The following RECK variants were observed in gnomAD, a reference collection of about 807,000 sequenced individuals.
RECK encodes the protein reversion inducing cysteine rich protein with kazal motifs, also known as reversion-inducing cysteine-rich protein with Kazal motifs.
Under a neutral mutation model 115.1 loss-of-function variants are expected in RECK, and 69 were observed. The ratio of observed to expected loss-of-function variants is 0.60; its 90% CI spans 0.49 to 0.73. RECK has a LOEUF of 0.73. Among genes scored for constraint, RECK ranks in the 30% least tolerant of loss-of-function variants. The pLI, the probability that RECK is intolerant of heterozygous loss-of-function variation, is 0.00. For missense variants in RECK, 1,047 were observed against 1,203.7 expected (o/e 0.87, Z 1.93); for synonymous variants, 414 against 419.7 (o/e 0.99, Z 0.17).
At chr9:36,111,553 C>G (rs559206853) in intron 15 of RECK, among the ~76,000 whole-genome samples, 2 of 152,216 alleles carry the variant, frequency 1.3e-5, no homozygotes, top group South Asian at 4.1e-4. Flanking sequence ...CGCCACCATG[C>G]CATTCTAATT....
At chr9:36,102,290 T>G in intron 12 of RECK, 60 bp downstream of exon 12, 2 of 1,420,940 alleles carry the variant, frequency 1.4e-6, no homozygotes, top group South Asian at 1.3e-5. Flanking sequence ...TCCAACTATT[T>G]GTTTTACTAT....
intron 4 of RECK, among the ~76,000 whole-genome samples, chr9:36,062,160 CTTT>C (rs770648750): frequency 1.5e-5 from 2 of 131,952 alleles, no homozygotes. Flanking sequence ...GCATCTCCTA[CTTT>C]TTTTTTTTTT....
intron 1 of RECK, among the ~76,000 whole-genome samples, chr9:36,049,412 A>G (rs534834045): frequency 5.3e-5 from 8 of 152,120 alleles, no homozygotes; most frequent in Non-Finnish European, 8.8e-5. Context: ...GAAACTATCT[A>G]GGTCAGGGGT....
At position 36,091,221 on chromosome 9, in the gene RECK, G is replaced by A; in HGVS notation, c.963G>A (p.Glu321=). The A allele has an allele frequency of 6.2e-7, 1 of 1,614,102 alleles. No homozygotes were observed. The highest frequency in any genetic ancestry group is 8.5e-7 in the Non-Finnish European group (1 of 1,179,974). The change falls in exon 10 of 21, where the codon GAG becomes GAA. Residue 321 remains glutamate (E), a synonymous_variant. Transcript: ENST00000377966. The stretch of plus-strand genomic sequence containing the variant: ...GGGGCAATACACAGAGTTGGCAAGA[G>A]TTTGATCGCTTTTGTGAATATAATC... ...MSWGNTQSWQ[E]FDRFCEYNPV...
chr9:36,112,849 A>G (rs1275368313), intron 16 of RECK, among the ~76,000 whole-genome samples: 1 of 152,220 alleles, frequency 6.6e-6, no homozygotes, highest in African/African-American at 2.4e-5. Flanking sequence ...TAACATTGTT[A>G]TCTCCATAAC....
chr9:36,119,090 T>C (rs1460255451), intron 18 of RECK, 123 bp downstream of exon 18: 2 of 959,844 alleles, frequency 2.1e-6, no homozygotes, highest in Non-Finnish European at 3.1e-6. Flanking sequence ...AAGAGATTCT[T>C]ATGCTGATCA....
chr9:36,053,424 A>G (rs1176138727), intron 2 of RECK, among the ~76,000 whole-genome samples: 2 of 152,354 alleles, frequency 1.3e-5, no homozygotes, highest in Middle Eastern at 3.4e-3. Flanking sequence ...ATAAGCAATA[A>G]TAATGTAGAC....
chr9:36,079,987 C>T (rs1380596975), intron 6 of RECK, among the ~76,000 whole-genome samples: 1 of 152,140 alleles, frequency 6.6e-6, no homozygotes, highest in Non-Finnish European at 1.5e-5. Flanking sequence ...GTCTCTTTTA[C>T]CCTGCTGAGG....
At position 36,083,219 on chromosome 9, in the gene RECK, GAAGTGCCGATTTT is replaced by G. The variant is rs1281192063; in HGVS notation, c.440-140_440-128del. On this transcript the variant is annotated intron_variant, in intron 7 of 20. Transcript: ENST00000377966. ...GAATGTCCCCGTGAGTATACCTACA[GAAGTGCCGATTTT>G]AAGTGTTCATCGTCTGTGGCATGGT... 1.8e-5 allele frequency: 14 copies of G among 762,608 alleles called. No individual in the cohort carries two copies. The African/African-American group carries it at 2.3e-4, about 12-fold the overall frequency. 47.2% of individuals were successfully genotyped at this position (762,608 alleles called of 1,614,324 possible).
chr9:36,116,255 A>G (rs1174681463), intron 16 of RECK, among the ~76,000 whole-genome samples: 1 of 151,144 alleles, frequency 6.6e-6, no homozygotes, highest in Non-Finnish European at 1.5e-5. Context: ...CAGCCTCCTG[A>G]GTAGCTGGGA....
chr9:36,074,443 C>A (rs751531342), intron 6 of RECK, among the ~76,000 whole-genome samples: 22 of 152,054 alleles, frequency 1.4e-4, no homozygotes, highest in Non-Finnish European at 2.4e-4. Context: ...AGAGAGAAAT[C>A]CAAATAGTCC....
chr9:36,060,171 G>C lies in RECK; in HGVS notation c.271+16G>C, dbSNP rs774978901. 3 of 1,611,342 alleles carry C rather than the reference G, an allele frequency of 1.9e-6. No homozygotes were observed. The African/African-American group carries it at 4.0e-5, about 22-fold the overall frequency. Reference sequence around the variant, plus strand: ...TCTTTGCCAGGTAAGCAATAAAAGTGTAACATTTAGCACTTAATTTTAAAA... The same window carrying C: ...TCTTTGCCAGGTAAGCAATAAAAGTCTAACATTTAGCACTTAATTTTAAAA... On this transcript the variant is annotated intron_variant, in intron 4 of 20. Transcript: ENST00000377966.
intron 10 of RECK, among the ~76,000 whole-genome samples, chr9:36,095,744 C>T (rs567253976): frequency 7.9e-5 from 12 of 151,932 alleles, no homozygotes; most frequent in Non-Finnish European, 1.5e-4. Context: ...TGAGACCAGC[C>T]TGGGCAACAT....
Position 36,083,512 on chromosome 9 carries a change from A to G in RECK, c.587A>G (p.His196Arg). ...YCASISPQLI[H>R]CVNNYTQSYP... ...GCCTCTATTAGTCCACAATTAATAC[A>G]TTGTGTGAACAATTATACTCAATCT... The change falls in exon 8 of 21, where the codon CAT (histidine) becomes CGT (arginine). Residue 196 changes from histidine (H) to arginine (R), a missense_variant. Physicochemically the swap from His to Arg is conservative, Grantham distance 29. Transcript: ENST00000377966. 6.2e-7 allele frequency: 1 copy of G among 1,614,006 alleles called. No individual in the cohort carries two copies. The highest frequency in any genetic ancestry group is 8.5e-7 in the Non-Finnish European group (1 of 1,179,934).
At chr9:36,056,069 A>G (rs1244463767) in intron 2 of RECK, among the ~76,000 whole-genome samples, 1 of 152,086 alleles carries the variant, frequency 6.6e-6, no homozygotes, top group Non-Finnish European at 1.5e-5. Context: ...AGAAAAGTGT[A>G]ATAAACCCCC....
At chr9:36,067,462 G>A (rs950917610) in intron 6 of RECK, among the ~76,000 whole-genome samples, 30 of 151,874 alleles carry the variant, frequency 2.0e-4, no homozygotes, top group African/African-American at 6.3e-4. Flanking sequence ...TTTCTTTTTT[G>A]GTAAGCTGTT....
At chr9:36,077,441 A>G (rs907979355) in intron 6 of RECK, among the ~76,000 whole-genome samples, 5 of 152,188 alleles carry the variant, frequency 3.3e-5, no homozygotes, top group African/African-American at 1.2e-4. Flanking sequence ...AGAGTTACAT[A>G]TAGTAAATTT....
At chr9:36,102,045 C>T (rs1823583347) in intron 11 of RECK, 49 bp from the exon 12 acceptor site, 6 of 1,578,856 alleles carry the variant, frequency 3.8e-6, no homozygotes, top group South Asian at 2.3e-5. Flanking sequence ...GACTGGACAA[C>T]ATGAGGAGGT....
intron 6 of RECK, among the ~76,000 whole-genome samples, chr9:36,072,987 A>ATCTCT (rs1222100851): frequency 6.6e-6 from 1 of 151,864 alleles, no homozygotes; most frequent in Non-Finnish European, 1.5e-5. Context: ...AAGCAATCTC[A>ATCTCT]TCTCCCATAG....
Sources: gnomAD v4.1 joint callset for allele counts (sites outside exome capture counted in the v4.1 genomes callset) on GRCh38, gnomAD v4.1.1 for gene constraint, MANE v1.5 for transcripts, NCBI Gene and HGNC (gene_info 2026-07-23, HGNC 2026-07-21) for gene names.